The following PCDHGA4 variants were observed in gnomAD, a reference collection of about 807,000 sequenced individuals.
PCDHGA4 encodes the protein protocadherin gamma-A4.
In PCDHGA4, 38 loss-of-function variants were observed where a neutral mutation model predicts 54.6. The observed-to-expected ratio is 0.70, with a 90% CI of 0.54 to 0.91. PCDHGA4 has a LOEUF of 0.91. Ranked by LOEUF, PCDHGA4 falls within the 40% of genes least tolerant of loss-of-function variation. The pLI is 0.00. For missense variants in PCDHGA4, 1,298 were observed against 1,220.9 expected, an observed-to-expected ratio of 1.06 and a Z score of -0.94; for synonymous variants, 511 against 512.9, an observed-to-expected ratio of 1.00 and a Z score of 0.05.
chr5:141,443,938 G>T (rs1330111540), intron 1 of PCDHGA4, among the ~76,000 whole-genome samples: 1 of 152,014 alleles, frequency 6.6e-6, no homozygotes, highest in Non-Finnish European at 1.5e-5. Context: ...CTCACAGCAG[G>T]TTTCCTTATT....
intron 1 of PCDHGA4, chr5:141,441,837 G>A (rs952709777): frequency 2.8e-6 from 1 of 354,138 alleles, no homozygotes. Context: ...ATGGCTTCGC[G>A]CTCTTGGATA....
rs1348297963 is a variant in PCDHGA4, at chr5:141,487,103, G to A, written c.2515-7704G>A. 6.2e-7 allele frequency: 1 copy of A among 1,614,124 alleles called. No individual in the cohort carries two copies. Among genetic ancestry groups the A allele is most frequent in the Non-Finnish European group, 8.5e-7 (1 of 1,180,000 alleles). On this transcript the variant is annotated intron_variant, in intron 1 of 3. Coordinates refer to ENST00000571252, the MANE Select transcript of PCDHGA4 (RefSeq NM_018917.4). The surrounding 1 kb of genome is among the most constrained non-coding windows in gnomAD (Gnocchi z 5.0). ...AGCTGACCTCCCACCACAGAAGCTG[G>A]TCATTGTGGTAAAGGATAGTGGTAG...
intron 1 of PCDHGA4, chr5:141,400,754 C>A (rs6880273): frequency 0.26 from 150,367 of 588,610 alleles, 21,664 homozygotes; most frequent in African/African-American, 0.5. Context: ...TTAGCTTCCT[C>A]TCTAGCAAAA....
intron 1 of PCDHGA4, chr5:141,410,165 T>G: frequency 1.9e-6 from 3 of 1,613,714 alleles, no homozygotes; most frequent in Non-Finnish European, 2.5e-6. Flanking sequence ...GCCGCCACTC[T>G]CTGCCACCGC....
At chr5:141,414,118 G>C (rs559064215) in intron 1 of PCDHGA4, 1 of 1,592,490 alleles carries the variant, frequency 6.3e-7, no homozygotes, top group Admixed American at 1.8e-5. Flanking sequence ...AGATTATGAA[G>C]AAACCGGTTT....
intron 1 of PCDHGA4, among the ~76,000 whole-genome samples, chr5:141,459,014 T>C (rs1429233660): frequency 6.6e-6 from 1 of 152,240 alleles, no homozygotes; most frequent in East Asian, 1.9e-4. Context: ...ATTACAGGCA[T>C]GAGCCACCAC....
intron 1 of PCDHGA4, among the ~76,000 whole-genome samples, chr5:141,429,712 C>T (rs998121271): frequency 1.3e-5 from 2 of 151,994 alleles, no homozygotes; most frequent in African/African-American, 2.4e-5. Flanking sequence ...TAAATATTTA[C>T]GCTCATGAAA....
At position 141,432,660 on chromosome 5, in the gene PCDHGA4, A is replaced by G; in HGVS notation, c.2515-62147A>G. The G allele has an allele frequency of 6.2e-7, 1 of 1,613,768 alleles. No individual in the cohort carries two copies. Among genetic ancestry groups the G allele is most frequent in the African/African-American group, 1.3e-5 (1 of 75,026 alleles). ...GTGCGCACGGCGCGAGCCCTGCTGG[A>G]CAGAGACGCGCTCAAGCAGAGCCTC... On this transcript the variant is annotated intron_variant, in intron 1 of 3. Coordinates refer to ENST00000571252, the MANE Select transcript of PCDHGA4 (RefSeq NM_018917.4). The surrounding 1 kb of genome is among the most constrained non-coding windows in gnomAD (Gnocchi z 6.0).
In PCDHGA4 at chr5:141,418,521, C is replaced by G. The variant is rs1246716171; in HGVS notation, c.2514+60900C>G. The G allele has an allele frequency of 3.7e-6, 6 of 1,613,840 alleles. No individual in the cohort carries two copies. The Admixed American group carries it at 1.0e-4, about 27-fold the overall frequency. On this transcript the variant is annotated intron_variant, in intron 1 of 3. Coordinates refer to ENST00000571252, the MANE Select transcript of PCDHGA4 (RefSeq NM_018917.4). ...ACCGCCTTAGATGGTGGGGACCCTC[C>G]CCGAAGCGGTACTGCTCAGATAAGA...
chr5:141,365,291 G>A (rs1485820114), intron 1 of PCDHGA4: 2 of 1,614,008 alleles, frequency 1.2e-6, no homozygotes, highest in Admixed American at 3.3e-5. Flanking sequence ...GGAAGTGGTA[G>A]CTCAGGATGG....
At chr5:141,389,508 G>A (rs369319162) in intron 1 of PCDHGA4, 3 of 1,613,090 alleles carry the variant, frequency 1.9e-6, no homozygotes, top group Non-Finnish European at 2.5e-6. Flanking sequence ...AGCGCTCAGC[G>A]CGAACGTGAG....
chr5:141,387,570 A>G, intron 1 of PCDHGA4: 1 of 455,170 alleles, frequency 2.2e-6, no homozygotes, highest in South Asian at 4.2e-5. Flanking sequence ...CACAATTATA[A>G]TTATTGCACT....
At chr5:141,378,377 G>A (rs1488267882) in intron 1 of PCDHGA4, 1 of 152,208 alleles carries the variant, frequency 6.6e-6, no homozygotes, top group African/African-American at 2.4e-5. Flanking sequence ...ACAAAAATTA[G>A]CCAGGTGGGG....
rs2097370658 is a variant in PCDHGA4 at position 141,431,413 on chromosome 5, C to T, written c.2515-63394C>T. The T allele has an allele frequency of 1.2e-6, 2 of 1,613,564 alleles. No homozygotes were observed. Among genetic ancestry groups the T allele is most frequent in the African/African-American group, 2.7e-5 (2 of 74,952 alleles). ...TGGTCCTTACGGCCTCCGACGGGGG[C>T]GACCCGGTGCGCACAGGCACCGCGC... On this transcript the variant is annotated intron_variant, in intron 1 of 3. Transcript: ENST00000571252. This position sits in a 1 kb window ranked among gnomAD's most constrained non-coding sequence, Gnocchi z 4.8.
At position 141,355,466 on chromosome 5, in the gene PCDHGA4, G is replaced by T. The variant is rs1561508995; in HGVS notation, c.359G>T (p.Arg120Met). 1 of 1,614,094 alleles carries T rather than the reference G, an allele frequency of 6.2e-7. No individual in the cohort carries two copies. Among genetic ancestry groups the T allele is most frequent in the Admixed American group, 1.7e-5 (1 of 60,036 alleles). Reference sequence around the variant, plus strand: ...AGCGGCACCTTGGTCACCGCGGGTAGGATAGACAGGGAGGAGCTCTGCGAC... The same window carrying T: ...AGCGGCACCTTGGTCACCGCGGGTATGATAGACAGGGAGGAGCTCTGCGAC... Reference protein sequence around the residue: ...PRSGTLVTAGRIDREELCDRS... With the variant: ...PRSGTLVTAGMIDREELCDRS... The change falls in exon 1 of 4, where the codon AGG becomes ATG. Residue 120 changes from arginine to methionine, a missense_variant. Transcript: ENST00000571252.
At chr5:141,365,911 C>T (rs769865478) in intron 1 of PCDHGA4, 33 of 1,614,102 alleles carry the variant, frequency 2.0e-5, no homozygotes, top group African/African-American at 2.7e-5. Context: ...AGTTGAGAGA[C>T]CTACAGTTGT....
chr5:141,453,680 A>G (rs1466590010), intron 1 of PCDHGA4, among the ~76,000 whole-genome samples: 1 of 152,220 alleles, frequency 6.6e-6, no homozygotes, highest in Non-Finnish European at 1.5e-5. Context: ...GTAACACACT[A>G]TGTAGGTAGT....
Position 141,418,592 on chromosome 5 carries a change from G to A in PCDHGA4, c.2514+60971G>A, listed in dbSNP as rs772314584. Reference sequence around the variant, plus strand: ...TGACAACCCCCCAGTGTTCAGCCAGGACGTGTACAGGGTTAGCCTTCGGGA... The same window carrying A: ...TGACAACCCCCCAGTGTTCAGCCAGAACGTGTACAGGGTTAGCCTTCGGGA... On this transcript the variant is annotated intron_variant, in intron 1 of 3. Transcript: ENST00000571252. 18 of 1,614,020 alleles carry A rather than the reference G, an allele frequency of 1.1e-5. No homozygotes were observed. The highest frequency in any genetic ancestry group is 1.5e-5 in the Non-Finnish European group (18 of 1,179,902).
At chr5:141,408,578 G>A (rs775312574) in intron 1 of PCDHGA4, 3 of 1,613,928 alleles carry the variant, frequency 1.9e-6, no homozygotes, top group African/African-American at 1.3e-5. Flanking sequence ...GATTGAGGAT[G>A]TTAATGACCA....
Sources: gnomAD v4.1 joint callset for allele counts (sites outside exome capture counted in the v4.1 genomes callset) on GRCh38, gnomAD v4.1.1 for gene constraint, Gnocchi (gnomAD v3.1) non-coding constraint, MANE v1.5 for transcripts, NCBI Gene and HGNC (gene_info 2026-07-23, HGNC 2026-07-21) for gene names.